The following HOXB3 variants were observed in gnomAD, a reference collection of about 807,000 sequenced individuals.
The protein encoded by HOXB3 is homeobox B3, also known as homeobox protein Hox-B3.
A neutral mutation model predicts 29.2 loss-of-function variants in HOXB3; 17 were observed. The ratio of observed to expected loss-of-function variants is 0.58; its 90% CI spans 0.40 to 0.87. HOXB3 has a LOEUF of 0.87. Among genes scored for constraint, HOXB3 ranks in the 40% least tolerant of loss-of-function variants. The pLI is 0.00. For synonymous variants in HOXB3, 317 were observed against 285.9 expected (o/e 1.11, Z -1.10); for missense variants, 637 against 616.3 (o/e 1.03, Z -0.35).
chr17:48,552,435 G>A lies in HOXB3; in HGVS notation c.40C>T (p.Leu14Phe), dbSNP rs770940453. ...ATYYDNAAAA[L>F]FGGYSSYPGS... is the part of the protein sequence containing the mutation. ...GGGTACGAGGAATAGCCTCCGAAGAGAGCAGCCGCGGCGTTGTCGTAGTAG... is the reference window on the plus strand; with the variant it reads ...GGGTACGAGGAATAGCCTCCGAAGAAAGCAGCCGCGGCGTTGTCGTAGTAG... Residue 14 changes from leucine (L) to phenylalanine (F), a missense_variant, in exon 4 of 5, where the codon CTC (leucine) becomes TTC (phenylalanine). Leu to Phe is a conservative substitution (Grantham distance 22). Coordinates refer to ENST00000498678, the MANE Select transcript of HOXB3 (RefSeq NM_001384749.1). 1.9e-6 allele frequency: 3 copies of A among 1,596,150 alleles called. No individual in the cohort carries two copies. The highest frequency in any genetic ancestry group is 1.3e-5 in the African/African-American group (1 of 74,636).
intron 1 of HOXB3, 158 bp from the exon 2 acceptor site, chr17:48,574,172 A>G (rs2069680965): frequency 3.0e-6 from 1 of 334,196 alleles, no homozygotes; most frequent in African/African-American, 2.2e-5. Context: ...AATTCTATTC[A>G]TACCTTCCAA....
chr17:48,582,498 C>T (rs2069968532), intron 1 of HOXB3: 1 of 152,138 alleles, frequency 6.6e-6, no homozygotes, highest in Non-Finnish European at 1.5e-5. Context: ...TAATCTCATA[C>T]TTTGGCAGTC....
chr17:48,553,203 G>C (rs961982265), intron 3 of HOXB3: 1 of 143,104 alleles, frequency 7.0e-6, no homozygotes, highest in African/African-American at 2.7e-5. Context: ...TCTCCCACCA[G>C]GAAGACAACA....
intron 1 of HOXB3, chr17:48,582,574 C>T (rs1255232521): frequency 1.3e-5 from 2 of 152,188 alleles, no homozygotes; most frequent in African/African-American, 4.8e-5. Context: ...ACGCCGTGAC[C>T]TGCGGTTCAC....
rs148090748 is a variant in HOXB3 at position 48,554,889 on chromosome 17, G to T, written c.-159+642C>A. The T allele has an allele frequency of 6.0e-4, 416 of 695,930 alleles. 3 individuals carry two copies. In the East Asian group the frequency reaches 9.3e-3, roughly 16 times the overall value. The allele number at this position is 695,930 out of a possible 1,614,324, so 43.1% of individuals were successfully genotyped here. Reference sequence around the variant, plus strand: ...AGAGAAAGGTGCTAAGGGGACCCAAGATCTGGGATCCAGAACAAGAGGGGG... The same window carrying T: ...AGAGAAAGGTGCTAAGGGGACCCAATATCTGGGATCCAGAACAAGAGGGGG... On this transcript the variant is annotated intron_variant, in intron 3 of 4. Transcript: ENST00000498678. This position sits in a 1 kb window ranked among gnomAD's most constrained non-coding sequence, Gnocchi z 4.1.
At chr17:48,556,959 T>C (rs961067479) in intron 2 of HOXB3, 2 of 152,002 alleles carry the variant, frequency 1.3e-5, no homozygotes, top group African/African-American at 2.4e-5. Flanking sequence ...TTGGCACAAG[T>C]GAGGAAGGCC....
chr17:48,551,976 C>T, intron 4 of HOXB3, 51 bp downstream of exon 4: 1 of 1,499,080 alleles, frequency 6.7e-7, no homozygotes, highest in Non-Finnish European at 9.0e-7. Context: ...ATAACAGTGA[C>T]ATTCCTGGCT....
At chr17:48,571,203 A>G (rs1307362798) in intron 2 of HOXB3, among the ~76,000 whole-genome samples, 1 of 152,180 alleles carries the variant, frequency 6.6e-6, no homozygotes, top group Non-Finnish European at 1.5e-5. Flanking sequence ...GGCGAGATTG[A>G]TTTACGAATC....
chr17:48,556,863 C>T (rs2069015297), intron 2 of HOXB3: 1 of 152,170 alleles, frequency 6.6e-6, no homozygotes, highest in Non-Finnish European at 1.5e-5. Flanking sequence ...ATTTTAAATG[C>T]ACTGGCAGAA....
At chr17:48,584,806 G>A (rs540657528) in intron 1 of HOXB3, among the ~76,000 whole-genome samples, 1 of 152,028 alleles carries the variant, frequency 6.6e-6, no homozygotes, top group South Asian at 2.1e-4. Flanking sequence ...CCAGATATCT[G>A]CCTCTTCGCT....
chr17:48,567,235 G>C (rs573269994), intron 2 of HOXB3, among the ~76,000 whole-genome samples: 3 of 152,206 alleles, frequency 2.0e-5, no homozygotes, highest in Admixed American at 2.0e-4. Flanking sequence ...GTGTGGGAGC[G>C]AGCTCCTGGA....
At chr17:48,561,493 T>G (rs1031841099) in intron 2 of HOXB3, among the ~76,000 whole-genome samples, 6 of 152,236 alleles carry the variant, frequency 3.9e-5, no homozygotes, top group African/African-American at 1.4e-4. Flanking sequence ...TCTGGGTGTA[T>G]GTAAACTCTG....
chr17:48,576,648 T>TG, intron 1 of HOXB3: 23 of 529,840 alleles, frequency 4.3e-5, no homozygotes, highest in Middle Eastern at 1.4e-3. Flanking sequence ...GGCCCCCTCC[T>TG]GTCCCCCCAC....
In HOXB3 at chr17:48,552,449, T is replaced by C. The variant is rs775487463; in HGVS notation, c.26A>G (p.Asn9Ser). ...GCCTCCGAAGAGAGCAGCCGCGGCGTTGTCGTAGTAGGTGGCTTTCTGCAT... is the reference window on the plus strand; with the variant it reads ...GCCTCCGAAGAGAGCAGCCGCGGCGCTGTCGTAGTAGGTGGCTTTCTGCAT... Reference protein sequence around the residue: MQKATYYDNAAAALFGGYS... With the variant: MQKATYYDSAAAALFGGYS... Residue 9 changes from asparagine (N) to serine (S), a missense_variant, in exon 4 of 5, where the codon AAC becomes AGC. Coordinates refer to ENST00000498678, the MANE Select transcript of HOXB3 (RefSeq NM_001384749.1). The C allele has an allele frequency of 1.3e-5, 20 of 1,579,112 alleles. No homozygotes were observed. Among genetic ancestry groups the C allele is most frequent in the East Asian group, 2.2e-5 (1 of 44,482 alleles).
Position 48,554,403 on chromosome 17 carries a change from T to C in HOXB3, c.-159+1128A>G. The C allele has an allele frequency of 1.8e-6, 1 of 550,442 alleles. No homozygotes were observed. The highest frequency in any genetic ancestry group is 3.2e-6 in the Non-Finnish European group (1 of 309,800). 34.1% of individuals were successfully genotyped at this position (550,442 alleles called of 1,614,324 possible). ...TTTAACTAGATGCCTGGGGCCGAAA[T>C]TCCTGCCGCTCCCCTTGCAATAAAC... On this transcript the variant is annotated intron_variant, in intron 3 of 4. Transcript: ENST00000498678. The surrounding 1 kb of genome is among the most constrained non-coding windows in gnomAD (Gnocchi z 4.1).
intron 1 of HOXB3, chr17:48,577,074 G>A: frequency 2.7e-6 from 4 of 1,478,398 alleles, no homozygotes; most frequent in East Asian, 2.3e-5. Flanking sequence ...CCCCGAAAGA[G>A]AGAGTCCTTT....
intron 3 of HOXB3, chr17:48,553,719 T>G (rs1356072917): frequency 6.6e-6 from 1 of 151,596 alleles, no homozygotes; most frequent in Non-Finnish European, 1.5e-5. Context: ...AAAAAATCAC[T>G]ATTTTAATAC....
intron 1 of HOXB3, chr17:48,575,999 C>G (rs1250329002): frequency 6.6e-6 from 1 of 152,308 alleles, no homozygotes; most frequent in African/African-American, 2.4e-5. Context: ...GTCAAGGCCA[C>G]CCCCTTCCCT....
Position 48,555,600 on chromosome 17 carries a change from A to C in HOXB3, c.-228T>G. The C allele has an allele frequency of 1.4e-6, 1 of 702,772 alleles. No homozygotes were observed. The highest frequency in any genetic ancestry group is 2.6e-6 in the Non-Finnish European group (1 of 384,810). 43.5% of individuals were successfully genotyped at this position (702,772 alleles called of 1,614,324 possible). A position where few individuals can be genotyped will look rare whatever the true frequency, so the allele number is the denominator to read the frequency against. The stretch of plus-strand genomic sequence containing the variant: ...CACATCGAGCCCCAGAGCGAGCGGC[A>C]GGCGACAAATCTCCCCTCCTTGAAG... On this transcript the variant is annotated 5_prime_UTR_variant, in exon 3 of 5. Transcript: ENST00000498678.
Sources: allele counts gnomAD v4.1 joint callset (sites outside exome capture counted in the v4.1 genomes callset), GRCh38; gene constraint gnomAD v4.1.1; non-coding constraint Gnocchi (gnomAD v3.1); transcripts MANE v1.5; gene names NCBI Gene and HGNC (gene_info 2026-07-23, HGNC 2026-07-21).